The following AFG1L variants were observed in gnomAD, a reference collection of about 807,000 sequenced individuals.
AFG1L encodes AFG1 like ATPase.
Under a neutral mutation model 62.2 loss-of-function variants are expected in AFG1L, and 53 were observed. The observed-to-expected ratio is 0.85, with a 90% CI of 0.68 to 1.07. The LOEUF is 1.07. Ranked by LOEUF, AFG1L falls within the 50% of genes least tolerant of loss-of-function variation. The pLI, the probability that AFG1L is intolerant of heterozygous loss-of-function variation, is 0.00. For synonymous variants in AFG1L, 228 were observed against 210.3 expected (o/e 1.08, Z -0.73); for missense variants, 555 against 590.5 (o/e 0.94, Z 0.62).
At chr6:108,407,104 T>G (rs1781890720) in intron 7 of AFG1L, among the ~76,000 whole-genome samples, 1 of 152,290 alleles carries the variant, frequency 6.6e-6, no homozygotes. Context: ...TTCTGTGACA[T>G]CACCCTGGCA....
At chr6:108,481,043 C>T (rs1773305700) in intron 10 of AFG1L, among the ~76,000 whole-genome samples, 1 of 152,190 alleles carries the variant, frequency 6.6e-6, no homozygotes, top group Non-Finnish European at 1.5e-5. Context: ...AAGGCTGTAC[C>T]TCCAGGGTTT....
At chr6:108,518,175 A>G (rs1163521813) in intron 11 of AFG1L, among the ~76,000 whole-genome samples, 2 of 152,208 alleles carry the variant, frequency 1.3e-5, no homozygotes, top group African/African-American at 4.8e-5. Flanking sequence ...AGGATGATAA[A>G]TCATGCTGCT....
intron 1 of AFG1L, among the ~76,000 whole-genome samples, chr6:108,313,591 G>A (rs957770748): frequency 6.6e-6 from 1 of 152,128 alleles, no homozygotes; most frequent in African/African-American, 2.4e-5. Context: ...AGGCTGTGGA[G>A]TGCAGTGACA....
intron 10 of AFG1L, among the ~76,000 whole-genome samples, chr6:108,494,502 A>C (rs1421879488): frequency 6.6e-6 from 1 of 152,076 alleles, no homozygotes; most frequent in Non-Finnish European, 1.5e-5. Flanking sequence ...AAAATCTGGC[A>C]GATTTAGGTA....
intron 12 of AFG1L, 197 bp downstream of exon 12, chr6:108,520,007 A>G (rs1225078851): frequency 1.0e-5 from 4 of 392,066 alleles, no homozygotes; most frequent in Non-Finnish European, 1.9e-5. Context: ...AGTGGAAGGA[A>G]CCTTAGTGGT....
intron 7 of AFG1L, among the ~76,000 whole-genome samples, chr6:108,406,539 G>A (rs1474850020): frequency 1.3e-5 from 2 of 152,140 alleles, no homozygotes; most frequent in East Asian, 3.8e-4. Context: ...CTGGGTTCAA[G>A]TGATTCTCAT....
chr6:108,367,465 G>C (rs759745321), intron 6 of AFG1L, among the ~76,000 whole-genome samples: 1 of 152,140 alleles, frequency 6.6e-6, no homozygotes, highest in Non-Finnish European at 1.5e-5. Flanking sequence ...GCAGGTTCTG[G>C]ATGTACTATA....
At chr6:108,321,305 G>T (rs977995289) in intron 1 of AFG1L, among the ~76,000 whole-genome samples, 2 of 152,166 alleles carry the variant, frequency 1.3e-5, no homozygotes, top group Non-Finnish European at 2.9e-5. Flanking sequence ...ATACAATTCA[G>T]GGAGCCCAGT....
intron 6 of AFG1L, among the ~76,000 whole-genome samples, chr6:108,378,614 C>T (rs930962945): frequency 3.3e-5 from 5 of 152,208 alleles, no homozygotes; most frequent in African/African-American, 7.2e-5. Context: ...CCACCACACC[C>T]GGCCTATGCT....
At chr6:108,444,802 G>T (rs563154253) in intron 7 of AFG1L, among the ~76,000 whole-genome samples, 3 of 152,220 alleles carry the variant, frequency 2.0e-5, no homozygotes, top group Non-Finnish European at 4.4e-5. Context: ...TAAAGCACAG[G>T]CAGAGTAGAT....
intron 2 of AFG1L, among the ~76,000 whole-genome samples, chr6:108,337,952 G>A (rs1355507638): frequency 2.0e-5 from 3 of 152,164 alleles, no homozygotes; most frequent in Non-Finnish European, 4.4e-5. Flanking sequence ...TTGGGAGGCT[G>A]AGGCGGGAGA....
Position 108,374,871 on chromosome 6 carries a change from G to A in AFG1L, c.748+8539G>A, listed in dbSNP as rs1780173506. Among the ~76,000 whole-genome samples, 4 of 152,150 alleles carry A rather than the reference G, an allele frequency of 2.6e-5. No homozygotes were observed. In the South Asian group the frequency reaches 8.3e-4, roughly 32 times the overall value. On this transcript the variant is annotated intron_variant, in intron 6 of 12. Coordinates refer to ENST00000368977, the MANE Select transcript of AFG1L (RefSeq NM_145315.5). ...AGTTTTTTCCAAATCTGTGAAAAATGACATTGGTAGTTTGATAGGAATAGC... is the reference window on the plus strand; with the variant it reads ...AGTTTTTTCCAAATCTGTGAAAAATAACATTGGTAGTTTGATAGGAATAGC...
At chr6:108,421,374 G>A (rs1219951604) in intron 7 of AFG1L, among the ~76,000 whole-genome samples, 2 of 152,172 alleles carry the variant, frequency 1.3e-5, no homozygotes, top group East Asian at 3.8e-4. Context: ...ACAGGGCAAA[G>A]GGAGGTTGTG....
At chr6:108,352,232 A>G (rs1408126274) in intron 3 of AFG1L, among the ~76,000 whole-genome samples, 1 of 152,220 alleles carries the variant, frequency 6.6e-6, no homozygotes, top group Non-Finnish European at 1.5e-5. Context: ...ATATAAATGG[A>G]ATCATATAAT....
chr6:108,391,763 A>G (rs1436251647), intron 6 of AFG1L, among the ~76,000 whole-genome samples: 1 of 152,142 alleles, frequency 6.6e-6, no homozygotes, highest in South Asian at 2.1e-4. Flanking sequence ...TGGATGAAAC[A>G]TTTTAAAAAG....
chr6:108,434,889 A>G (rs1661367007), intron 7 of AFG1L, among the ~76,000 whole-genome samples: 1 of 152,136 alleles, frequency 6.6e-6, no homozygotes, highest in South Asian at 2.1e-4. Flanking sequence ...TGTATAGGTG[A>G]TATTTCTTGA....
intron 1 of AFG1L, among the ~76,000 whole-genome samples, chr6:108,321,866 A>G (rs752984342): frequency 1.1e-4 from 17 of 152,124 alleles, no homozygotes. Flanking sequence ...TAAAAGCAAG[A>G]TAGAAGTTTA....
chr6:108,352,981 G>A (rs1396301534), intron 3 of AFG1L, among the ~76,000 whole-genome samples: 1 of 151,932 alleles, frequency 6.6e-6, no homozygotes, highest in African/African-American at 2.4e-5. Flanking sequence ...ACCACTTTTT[G>A]TTTATCCATT....
At chr6:108,339,570 C>T (rs1298713100) in intron 2 of AFG1L, among the ~76,000 whole-genome samples, 1 of 151,410 alleles carries the variant, frequency 6.6e-6, no homozygotes, top group East Asian at 1.9e-4. Flanking sequence ...AGTGATTCTC[C>T]CACCTCAGTC....
Sources: allele counts gnomAD v4.1 joint callset (sites outside exome capture counted in the v4.1 genomes callset), GRCh38; gene constraint gnomAD v4.1.1; transcripts MANE v1.5; gene names NCBI Gene and HGNC (gene_info 2026-07-23, HGNC 2026-07-21).